Variants in PLEKHA7 observed in about 807,000 individuals in gnomAD.
PLEKHA7 encodes the protein pleckstrin homology domain-containing family A member 7.
In PLEKHA7, 104 loss-of-function variants were observed where a neutral mutation model predicts 170.0. That is an observed-to-expected ratio of 0.61 (90% CI 0.52 to 0.72). The LOEUF (loss-of-function observed/expected upper bound fraction) is 0.72, where lower values mean the gene tolerates loss of function less well. PLEKHA7 is among the 30% of genes least tolerant of loss of function. PLEKHA7 has a pLI of 0.00. For missense variants in PLEKHA7, 1,615 were observed against 1,671.7 expected (o/e 0.97, Z 0.59); for synonymous variants, 648 against 660.8 (o/e 0.98, Z 0.30).
At chr11:16,982,806 C>CACACACACACACAT (rs1554990150) in intron 3 of PLEKHA7, among the ~76,000 whole-genome samples, 1 of 145,294 alleles carries the variant, frequency 6.9e-6, no homozygotes, top group South Asian at 2.3e-4. Flanking sequence ...CACACACACA[C>CACACACACACACAT]GGAGAAAGAG....
chr11:16,945,941 G>T (rs1352445202), intron 3 of PLEKHA7, among the ~76,000 whole-genome samples: 1 of 152,202 alleles, frequency 6.6e-6, no homozygotes, highest in African/African-American at 2.4e-5. Flanking sequence ...TAGGTAACCG[G>T]TGCTCTTTGC....
At chr11:16,961,320 G>T (rs965526654) in intron 3 of PLEKHA7, among the ~76,000 whole-genome samples, 1 of 152,216 alleles carries the variant, frequency 6.6e-6, no homozygotes, top group Non-Finnish European at 1.5e-5. Flanking sequence ...CCGCCCAAGC[G>T]CCTTGAGGTG....
rs779392658 is a variant in PLEKHA7 at position 16,802,969 on chromosome 11, T to C, written c.2157+3A>G. 2 of 1,611,020 alleles carry C rather than the reference T, an allele frequency of 1.2e-6. No homozygotes were observed. The highest frequency in any genetic ancestry group is 1.7e-6 in the Non-Finnish European group (2 of 1,177,074). On this transcript the variant is annotated splice_donor_region_variant and intron_variant, in intron 15 of 26. Transcript: ENST00000531066. ...TCCAAGATTATTCAAAACTGACACG[T>C]ACTTTGTTCTCTTTAAGGGCTCGTA...
chr11:16,934,085 G>T (rs1329342056), intron 3 of PLEKHA7, among the ~76,000 whole-genome samples: 2 of 152,176 alleles, frequency 1.3e-5, no homozygotes, highest in African/African-American at 2.4e-5. Context: ...GACAGGAGAC[G>T]TGGAAGAAAG....
At chr11:16,860,411 A>C (rs891246898) in intron 4 of PLEKHA7, among the ~76,000 whole-genome samples, 4 of 152,112 alleles carry the variant, frequency 2.6e-5, no homozygotes, top group Admixed American at 2.0e-4. Flanking sequence ...GTGTGAGCTG[A>C]AGTAGAATGA....
chr11:16,916,003 T>G (rs1858640294), intron 3 of PLEKHA7, among the ~76,000 whole-genome samples: 1 of 149,388 alleles, frequency 6.7e-6, no homozygotes, highest in Admixed American at 6.7e-5. Context: ...TTCCTATTTC[T>G]CCACATCCTC....
chr11:16,805,789 C>CAAAAAAAA (rs11339921), intron 13 of PLEKHA7, among the ~76,000 whole-genome samples: 2 of 111,220 alleles, frequency 1.8e-5, no homozygotes, highest in African/African-American at 7.2e-5. Context: ...GACTCCATGT[C>CAAAAAAAA]AAAAAAAAAA....
intron 3 of PLEKHA7, among the ~76,000 whole-genome samples, chr11:16,958,617 C>G (rs1489125198): frequency 6.6e-6 from 1 of 152,116 alleles, no homozygotes; most frequent in East Asian, 1.9e-4. Context: ...GTCTAATATG[C>G]ATTATTTCTG....
chr11:17,008,353 C>T (rs1865135945), intron 3 of PLEKHA7, among the ~76,000 whole-genome samples: 1 of 152,166 alleles, frequency 6.6e-6, no homozygotes, highest in Admixed American at 6.5e-5. Flanking sequence ...GTCCCAGATG[C>T]AGAGCAATAA....
At position 16,962,185 on chromosome 11, in the gene PLEKHA7, T is replaced by G. The variant is rs7946377; in HGVS notation, c.221+51804A>C. 9.0e-3 allele frequency among the ~76,000 whole-genome samples: 1,371 copies of G among 152,328 alleles called. 23 individuals are homozygous for G. Among genetic ancestry groups the G allele is most frequent in the African/African-American group, 0.031 (1,283 of 41,576 alleles). On this transcript the variant is annotated intron_variant, in intron 3 of 26. Transcript: ENST00000531066. ...TGGTGGCAAAGTGCTAGAGACAGAC[T>G]GCCTGGATTCCAATCCCATCTTTGC... is the stretch of plus-strand genomic sequence containing the variant.
At chr11:17,010,642 C>T (rs1406849651) in intron 3 of PLEKHA7, among the ~76,000 whole-genome samples, 1 of 152,160 alleles carries the variant, frequency 6.6e-6, no homozygotes, top group Non-Finnish European at 1.5e-5. Context: ...TTTTAATCTG[C>T]TAAATATGAG....
chr11:16,940,564 A>G (rs1295510957), intron 3 of PLEKHA7, among the ~76,000 whole-genome samples: 1 of 152,106 alleles, frequency 6.6e-6, no homozygotes, highest in Non-Finnish European at 1.5e-5. Context: ...CTGGGATTAC[A>G]GGCGTGAGCC....
Position 16,783,809 on chromosome 11 carries a change from T to C in PLEKHA7, c.3541A>G (p.Ile1181Val). The change falls in exon 25 of 27, where the codon ATC (isoleucine) becomes GTC (valine). Residue 1181 changes from isoleucine (I) to valine (V), a missense_variant. Physicochemically the swap from Ile to Val is conservative, Grantham distance 29 (BLOSUM62 3). Transcript: ENST00000531066. ...RELSKPEKVSIPERYVELDPE... is the reference protein window; with the variant it reads ...RELSKPEKVSVPERYVELDPE... ...TCTAGCTCCACGTAGCGCTCAGGGA[T>C]TGACACCTTCTCTGGTTTGGACAGC... is the stretch of plus-strand genomic sequence containing the variant. 6.6e-7 allele frequency: 1 copy of C among 1,505,642 alleles called. No individual in the cohort carries two copies. The highest frequency in any genetic ancestry group is 8.8e-7 in the Non-Finnish European group (1 of 1,132,280). 93.3% of individuals were successfully genotyped at this position (1,505,642 alleles called of 1,614,324 possible). A position where few individuals can be genotyped will look rare whatever the true frequency, so the allele number is the denominator to read the frequency against.
At position 16,826,352 on chromosome 11, in the gene PLEKHA7, C is replaced by A. The variant is rs529419544; in HGVS notation, c.1111G>T (p.Asp371Tyr). 14 of 1,614,260 alleles carry A rather than the reference C, an allele frequency of 8.7e-6. 1 individual carries two copies. In the African/African-American group the frequency reaches 1.5e-4, roughly 17 times the overall value. Residue 371 changes from aspartate to tyrosine, a missense_variant, in exon 10 of 27, where the codon GAT becomes TAT. Transcript: ENST00000531066. ...ARSPYSPAEE[D>Y]ALFMDLPTGP... ...GTGGGTAAATCCATAAACAAGGCAT[C>A]CTCCTCGGCTGGCGAGTACGGAGAC...
At chr11:16,932,883 G>A (rs1860041941) in intron 3 of PLEKHA7, among the ~76,000 whole-genome samples, 1 of 152,176 alleles carries the variant, frequency 6.6e-6, no homozygotes, top group Admixed American at 6.5e-5. Flanking sequence ...AAGGAAGAAG[G>A]ACAAGTGAGG....
chr11:16,922,597 T>C (rs1218205546), intron 3 of PLEKHA7, among the ~76,000 whole-genome samples: 2 of 152,202 alleles, frequency 1.3e-5, no homozygotes, highest in Non-Finnish European at 2.9e-5. Flanking sequence ...CTTTGTGCTT[T>C]TGCAAACCAA....
chr11:16,791,277 G>A lies in PLEKHA7; in HGVS notation c.2746-78C>T. ...GACTGCTAGGTACTGCCACAGTGGAGGTTTAAAGGGTAGGAACAGGCCACA... is the reference window on the plus strand; with the variant it reads ...GACTGCTAGGTACTGCCACAGTGGAAGTTTAAAGGGTAGGAACAGGCCACA... On this transcript the variant is annotated intron_variant, in intron 19 of 26. Transcript: ENST00000531066. The surrounding 1 kb of genome is among the most constrained non-coding windows in gnomAD (Gnocchi z 4.5). The A allele has an allele frequency of 7.3e-7, 1 of 1,368,504 alleles. No individual in the cohort carries two copies. The highest frequency in any genetic ancestry group is 9.9e-7 in the Non-Finnish European group (1 of 1,011,334). The allele number at this position is 1,368,504 out of a possible 1,614,324, so 84.8% of individuals were successfully genotyped here. A position where few individuals can be genotyped will look rare whatever the true frequency, so the allele number is the denominator to read the frequency against.
intron 3 of PLEKHA7, among the ~76,000 whole-genome samples, chr11:16,904,727 A>C (rs1265414759): frequency 1.3e-5 from 2 of 152,208 alleles, no homozygotes; most frequent in South Asian, 4.1e-4. Flanking sequence ...GTATTTTGCT[A>C]TCCATTATTT....
chr11:16,816,819 G>A lies in PLEKHA7; in HGVS notation c.1847C>T (p.Ala616Val), dbSNP rs971638804. ...CCTCACCTTGACAGCGTGGCCCCGT[G>A]CCCTCCTTGGAGAATCCCCCAGCGA... ...DISLGDSPRRARGHAVKNSSH... is the reference protein window; with the variant it reads ...DISLGDSPRRVRGHAVKNSSH... Residue 616 changes from alanine to valine, a missense_variant, in exon 11 of 27, where the codon GCA (alanine) becomes GTA (valine). Physicochemically the swap from Ala to Val is moderately conservative, Grantham distance 64 (BLOSUM62 0). Coordinates refer to ENST00000531066, the MANE Select transcript of PLEKHA7 (RefSeq NM_001329630.2). The A allele has an allele frequency of 2.5e-6, 4 of 1,613,898 alleles. No homozygotes were observed. Among genetic ancestry groups the A allele is most frequent in the Non-Finnish European group, 3.4e-6 (4 of 1,179,998 alleles).
Sources: allele counts gnomAD v4.1 joint callset (sites outside exome capture counted in the v4.1 genomes callset), GRCh38; gene constraint gnomAD v4.1.1; non-coding constraint Gnocchi (gnomAD v3.1); transcripts MANE v1.5; gene names NCBI Gene and HGNC (gene_info 2026-07-23, HGNC 2026-07-21).